Variants in RYR3 observed in about 807,000 individuals in gnomAD.
RYR3 encodes ryanodine receptor 3.
RYR3 carries 207 observed loss-of-function variants against 584.3 expected under a neutral mutation model. That is an observed-to-expected ratio of 0.35 (90% confidence interval 0.32 to 0.40). The LOEUF (loss-of-function observed/expected upper bound fraction) is 0.40. Among genes scored for constraint, RYR3 ranks in the 10% least tolerant of loss-of-function variants. RYR3 has a pLI of 1.00. For synonymous variants in RYR3, 2,416 were observed against 2,248.5 expected, an observed-to-expected ratio of 1.07 and a Z score of -2.11; for missense variants, 5,616 against 6,089.2, an observed-to-expected ratio of 0.92 and a Z score of 2.59.
intron 64 of RYR3, among the ~76,000 whole-genome samples, chr15:33,776,925 G>C (rs2074030875): frequency 6.6e-6 from 1 of 152,258 alleles, no homozygotes; most frequent in Non-Finnish European, 1.5e-5. Context: ...TGTCCAGTCT[G>C]TCACCATTGA....
intron 37 of RYR3, among the ~76,000 whole-genome samples, chr15:33,669,861 TGGGTGTGTGGGTGTGTGTG>T (rs1566919901): frequency 1.6e-4 from 5 of 31,860 alleles, no homozygotes; most frequent in East Asian, 7.9e-4. Flanking sequence ...GGGGGGGGTG[TGGGTGTGTGGGTGTGTGTG>T]GTGTGTGTGT....
At chr15:33,408,661 GT>G (rs1368122698) in intron 1 of RYR3, among the ~76,000 whole-genome samples, 2 of 151,940 alleles carry the variant, frequency 1.3e-5, no homozygotes, top group African/African-American at 2.4e-5. Context: ...ACTAGCATCG[GT>G]TTTTTTGACT....
intron 102 of RYR3, among the ~76,000 whole-genome samples, chr15:33,863,048 G>C (rs1441012864): frequency 1.3e-5 from 2 of 152,120 alleles, no homozygotes; most frequent in African/African-American, 4.8e-5. Context: ...TGTACCCATG[G>C]GTTATAGACC....
intron 9 of RYR3, among the ~76,000 whole-genome samples, 174 bp from the exon 10 acceptor site, chr15:33,549,986 G>C (rs1225866395): frequency 6.6e-6 from 1 of 152,236 alleles, no homozygotes; most frequent in African/African-American, 2.4e-5. Context: ...ACTATGCTGG[G>C]TTGTAGGCAG....
rs368335335 is a variant in RYR3 at position 33,659,825 on chromosome 15, A to G, written c.4395+19A>G. ...GCTGAAGGTATTTATTTGTCCTCTC[A>G]TCTAATGGCCATGACAAGAGAAAGC... On this transcript the variant is annotated intron_variant, in intron 33 of 103. Coordinates refer to ENST00000634891, the MANE Select transcript of RYR3 (RefSeq NM_001036.6). 5.4e-5 allele frequency: 81 copies of G among 1,506,138 alleles called. No individual in the cohort carries two copies. Among genetic ancestry groups the G allele is most frequent in the Non-Finnish European group, 6.9e-5 (75 of 1,083,136 alleles). The allele number at this position is 1,506,138 out of a possible 1,614,324, so 93.3% of individuals were successfully genotyped here.
Position 33,838,323 on chromosome 15 carries a change from G to A in RYR3, c.12343G>A (p.Glu4115Lys), listed in dbSNP as rs1321670862. ...TTCAGCTGACAGGCCAGAAGAGGAG[G>A]AAGAAGATGAAGATTCTTCTTACGT... The part of the protein sequence containing the change: ...SDSADRPEEE[E>K]EDEDSSYVLE... The change falls in exon 89 of 104, where the codon GAA becomes AAA. Residue 4115 changes from glutamate (E) to lysine (K), a missense_variant. By Grantham distance (56) the Glu-to-Lys change is moderately conservative. This residue lies in a region of RYR3 where 258 missense variants were observed against 297.3 expected (regional missense o/e 0.87). Transcript: ENST00000634891. 1.9e-6 allele frequency: 3 copies of A among 1,613,992 alleles called. No homozygotes were observed. Among genetic ancestry groups the A allele is most frequent in the African/African-American group, 1.3e-5 (1 of 75,040 alleles).
chr15:33,549,371 A>T (rs1458501840), intron 9 of RYR3, among the ~76,000 whole-genome samples: 1 of 152,262 alleles, frequency 6.6e-6, no homozygotes, highest in African/African-American at 2.4e-5. Flanking sequence ...GATGCTTCAA[A>T]AAGTTGGACA....
intron 5 of RYR3, among the ~76,000 whole-genome samples, chr15:33,537,207 T>G (rs1050998752): frequency 2.0e-5 from 3 of 152,238 alleles, no homozygotes; most frequent in African/African-American, 7.2e-5. Flanking sequence ...TTTCAAACTT[T>G]CCTATAGAAG....
chr15:33,461,391 T>G (rs2048031262), intron 1 of RYR3, among the ~76,000 whole-genome samples: 1 of 152,184 alleles, frequency 6.6e-6, no homozygotes, highest in African/African-American at 2.4e-5. Context: ...CGAGGCAATG[T>G]CTTATAACCC....
chr15:33,810,328 T>C, intron 70 of RYR3, 151 bp from the exon 71 acceptor site: 1 of 709,554 alleles, frequency 1.4e-6, no homozygotes, highest in Non-Finnish European at 2.3e-6. Flanking sequence ...TTCGTCTTTG[T>C]TCAACACACT....
In RYR3 at chr15:33,853,070, A is replaced by C; in HGVS notation, c.13654A>C (p.Lys4552Gln). The change falls in exon 95 of 104, where the codon AAG becomes CAG. Residue 4552 changes from lysine to glutamine, a missense_variant. By Grantham distance (53) the Lys-to-Gln change is moderately conservative. Around this residue, in one of 9 missense-constraint regions of RYR3, gnomAD observed 918 missense variants for 887.4 expected, o/e 1.03. Transcript: ENST00000634891. ...TPSFPNNYWDKFVKRKVINKY... is the reference protein window; with the variant it reads ...TPSFPNNYWDQFVKRKVINKY... ...ATCTTTTCCTAATAACTACTGGGAC[A>C]AGTTTGTAAAGAGAAAGGTATGCCT... is the stretch of plus-strand genomic sequence containing the variant. The C allele has an allele frequency of 6.2e-7, 1 of 1,601,958 alleles. No homozygotes were observed. The highest frequency in any genetic ancestry group is 8.5e-7 in the Non-Finnish European group (1 of 1,175,724).
chr15:33,827,881 T>C (rs1041107454), intron 85 of RYR3, among the ~76,000 whole-genome samples: 5 of 152,170 alleles, frequency 3.3e-5, no homozygotes, highest in African/African-American at 9.7e-5. Flanking sequence ...ACCTATGCCA[T>C]AGGGTGGTAG....
In RYR3 at chr15:33,807,554, G is replaced by A. The variant is rs1429083051; in HGVS notation, c.10012-1G>A. The A allele has an allele frequency of 1.9e-6, 3 of 1,551,812 alleles. No homozygotes were observed. Among genetic ancestry groups the A allele is most frequent in the African/African-American group, 1.4e-5 (1 of 73,038 alleles). On this transcript the variant is annotated splice_acceptor_variant, in intron 69 of 103. Coordinates refer to ENST00000634891, the MANE Select transcript of RYR3 (RefSeq NM_001036.6). LOFTEE classifies it high-confidence loss of function. ...TTCTTTTCTTTTGTCTTTCCACACA[G>A]GCCATGCAAGTAAAGGTACAGGTCA...
At chr15:33,675,369 GGCA>G (rs1320078223) in intron 38 of RYR3, among the ~76,000 whole-genome samples, 1 of 152,190 alleles carries the variant, frequency 6.6e-6, no homozygotes, top group African/African-American at 2.4e-5. Context: ...ACACAGAGGT[GGCA>G]TAAAACTTCA....
At chr15:33,724,952 T>C (rs113214041) in intron 45 of RYR3, among the ~76,000 whole-genome samples, 1,545 of 152,124 alleles carry the variant, frequency 0.01, 32 homozygotes, top group African/African-American at 0.035. Context: ...CACTAAGGTG[T>C]TCTACAGTCT....
chr15:33,401,307 A>G (rs956933349), intron 1 of RYR3, among the ~76,000 whole-genome samples: 4 of 152,204 alleles, frequency 2.6e-5, no homozygotes, highest in African/African-American at 9.7e-5. Context: ...TCATTTAAAA[A>G]ATTATTAATT....
intron 1 of RYR3, among the ~76,000 whole-genome samples, chr15:33,320,975 A>G (rs1968887213): frequency 6.6e-6 from 1 of 152,178 alleles, no homozygotes; most frequent in East Asian, 1.9e-4. Flanking sequence ...GGCTTTGTGA[A>G]TGGAAATGAG....
intron 90 of RYR3, 54 bp downstream of exon 90, chr15:33,840,937 G>T: frequency 6.5e-7 from 1 of 1,541,558 alleles, no homozygotes; most frequent in Non-Finnish European, 8.9e-7. Flanking sequence ...TAATTCTTAG[G>T]CCAGGCAGAG....
At position 33,533,371 on chromosome 15, in the gene RYR3, C is replaced by T. The variant is rs371548797; in HGVS notation, c.415C>T (p.Leu139=). ...QTDKLAFDVG[L]REHATGEACW... Reference sequence around the variant, plus strand: ...AGACAAACTTGCCTTTGATGTAGGTCTACGGGAACATGCCACAGGTGAGTC... The same window carrying T: ...AGACAAACTTGCCTTTGATGTAGGTTTACGGGAACATGCCACAGGTGAGTC... The change falls in exon 5 of 104, where the codon CTA becomes TTA. Residue 139 remains leucine, a synonymous_variant. Transcript: ENST00000634891. 7.5e-6 allele frequency: 12 copies of T among 1,607,366 alleles called. No individual in the cohort carries two copies. The highest frequency in any genetic ancestry group is 2.7e-5 in the African/African-American group (2 of 74,834).
Sources: gnomAD v4.1 joint callset for allele counts (sites outside exome capture counted in the v4.1 genomes callset) on GRCh38, gnomAD v4.1.1 for gene constraint, gnomAD v4.1.1 regional missense constraint, MANE v1.5 for transcripts, NCBI Gene and HGNC (gene_info 2026-07-23, HGNC 2026-07-21) for gene names.